ICE1: variants seen among roughly 807,000 people sequenced by gnomAD.
The protein encoded by ICE1 is little elongation complex subunit 1.
A neutral mutation model predicts 192.7 loss-of-function variants in ICE1; 64 were observed. The ratio of observed to expected loss-of-function variants is 0.33; its 90% confidence interval spans 0.27 to 0.41. ICE1 has a LOEUF of 0.41. Among genes scored for constraint, ICE1 ranks in the 10% least tolerant of loss-of-function variants. The probability of loss-of-function intolerance (pLI) is 1.00; values close to 1 mark genes in which losing one functional copy is unlikely to be tolerated. For synonymous variants in ICE1, 1,010 were observed against 984.5 expected, an observed-to-expected ratio of 1.03 and a Z score of -0.49; for missense variants, 2,708 against 2,696.0, an observed-to-expected ratio of 1.00 and a Z score of -0.10.
Position 5,454,609 on chromosome 5 carries a change from T to C in ICE1, c.662T>C (p.Leu221Pro), listed in dbSNP as rs376713384. 46 of 1,613,500 alleles carry C rather than the reference T, an allele frequency of 2.9e-5. No individual in the cohort carries two copies. Among genetic ancestry groups the C allele is most frequent in the African/African-American group, 5.3e-5 (4 of 74,908 alleles). The change falls in exon 11 of 19, where the codon CTA becomes CCA. Residue 221 changes from leucine (L) to proline (P), a missense_variant. Transcript: ENST00000296564. ...LWLCVNTTHR[L>P]PGEGSRCVPE... is the part of the protein sequence containing the mutation. ...CTCTGTGTAAACACAACACACAGAC[T>C]ACCTGGTGAAGGCAGCAGGTGTGTC...
chr5:5,464,324 T>C lies in ICE1; in HGVS notation c.4990T>C (p.Ser1664Pro). ...ISSSSPSSPA[S>P]PVGQVSPFRE... is the part of the protein sequence containing the mutation. ...GAGTTCTAGTCCTTCCTCACCAGCC[T>C]CTCCTGTTGGCCAGGTTTCTCCCTT... The change falls in exon 13 of 19, where the codon TCT becomes CCT. Residue 1664 changes from serine (S) to proline (P), a missense_variant. By Grantham distance (74) the Ser-to-Pro change is moderately conservative. Around this residue, in one of 2 missense-constraint regions of ICE1, gnomAD observed 2,366 missense variants for 2,276.6 expected, o/e 1.04. Coordinates refer to ENST00000296564, the MANE Select transcript of ICE1 (RefSeq NM_015325.3). The surrounding 1 kb of genome is among the most constrained non-coding windows in gnomAD (Gnocchi z 4.0). The C allele has an allele frequency of 1.2e-6, 2 of 1,613,462 alleles. No homozygotes were observed. Among genetic ancestry groups the C allele is most frequent in the African/African-American group, 1.3e-5 (1 of 74,832 alleles).
intron 15 of ICE1, among the ~76,000 whole-genome samples, chr5:5,470,204 C>T (rs1331342036): frequency 6.6e-6 from 1 of 152,066 alleles, no homozygotes; most frequent in East Asian, 1.9e-4. Context: ...CAGAGAGTTA[C>T]CCGTTCCCAG....
intron 10 of ICE1, among the ~76,000 whole-genome samples, chr5:5,448,846 T>G (rs1738328284): frequency 6.6e-6 from 1 of 152,224 alleles, no homozygotes; most frequent in Non-Finnish European, 1.5e-5. Flanking sequence ...CATTGATTGC[T>G]CACCTACCAC....
chr5:5,435,325 A>G (rs961578349), intron 1 of ICE1, among the ~76,000 whole-genome samples: 1 of 152,114 alleles, frequency 6.6e-6, no homozygotes, highest in East Asian at 1.9e-4. Flanking sequence ...GAAAAGGCAG[A>G]CATTATCATA....
chr5:5,474,558 T>G (rs1324114097), intron 16 of ICE1, among the ~76,000 whole-genome samples: 1 of 152,248 alleles, frequency 6.6e-6, no homozygotes, highest in East Asian at 1.9e-4. Context: ...CTCTCTGACA[T>G]TCATTGTATG....
intron 17 of ICE1, among the ~76,000 whole-genome samples, chr5:5,483,618 C>T (rs1739565839): frequency 1.3e-5 from 2 of 152,160 alleles, no homozygotes; most frequent in South Asian, 4.1e-4. Flanking sequence ...TCTCTGAGGC[C>T]ATCCAGTGGA....
At chr5:5,442,011 A>G (rs552409229) in intron 5 of ICE1, among the ~76,000 whole-genome samples, 1 of 152,258 alleles carries the variant, frequency 6.6e-6, no homozygotes, top group African/African-American at 2.4e-5. Flanking sequence ...GCATTGGGAG[A>G]AGATGCCCAC....
chr5:5,461,178 C>T lies in ICE1; in HGVS notation c.1844C>T (p.Ser615Leu). 2 of 1,614,004 alleles carry T rather than the reference C, an allele frequency of 1.2e-6. No homozygotes were observed. The highest frequency in any genetic ancestry group is 2.2e-5 in the East Asian group (1 of 44,880). Residue 615 changes from serine to leucine, a missense_variant, in exon 13 of 19, where the codon TCA (serine) becomes TTA (leucine). Physicochemically the swap from Ser to Leu is moderately radical, Grantham distance 145. Transcript: ENST00000296564. The stretch of plus-strand genomic sequence containing the variant: ...TCACCTGAATCAGAAGATGATGACT[C>T]AGGTGATGGAATGGATGTAGCAGGG... ...GESPESEDDD[S>L]GDGMDVAGLD... is the part of the protein sequence containing the mutation.
chr5:5,458,358 C>T (rs991179696), intron 12 of ICE1, among the ~76,000 whole-genome samples: 4 of 152,154 alleles, frequency 2.6e-5, no homozygotes, highest in Admixed American at 1.3e-4. Flanking sequence ...GCAGAGGTGA[C>T]GAAAGATGCC....
chr5:5,461,883 C>T lies in ICE1; in HGVS notation c.2549C>T (p.Thr850Ile), dbSNP rs753943363. 6.2e-7 allele frequency: 1 copy of T among 1,613,800 alleles called. No individual in the cohort carries two copies. Reference protein sequence around the residue: ...ENNNPVEFKTTASVLPNQVSV... With the variant: ...ENNNPVEFKTIASVLPNQVSV... ...AACAATCCTGTAGAATTCAAGACCACTGCATCGGTGTTGCCTAATCAAGTA... is the reference window on the plus strand; with the variant it reads ...AACAATCCTGTAGAATTCAAGACCATTGCATCGGTGTTGCCTAATCAAGTA... The change falls in exon 13 of 19, where the codon ACT (threonine) becomes ATT (isoleucine). Residue 850 changes from threonine to isoleucine, a missense_variant. This residue lies in a region of ICE1 where 2,366 missense variants were observed against 2,276.6 expected (regional missense o/e 1.04). Transcript: ENST00000296564.
chr5:5,452,163 A>AT (rs952502832), intron 10 of ICE1, among the ~76,000 whole-genome samples: 1,801 of 133,102 alleles, frequency 0.014, 21 homozygotes, highest in East Asian at 0.038. Flanking sequence ...TGTTTGTTCC[A>AT]TTTTTTTTTT....
At chr5:5,487,818 G>C (rs1312078538) in intron 18 of ICE1, among the ~76,000 whole-genome samples, 1 of 152,214 alleles carries the variant, frequency 6.6e-6, no homozygotes, top group Non-Finnish European at 1.5e-5. Context: ...GTTGGGGCCT[G>C]CTATAGATTA....
intron 17 of ICE1, among the ~76,000 whole-genome samples, chr5:5,478,090 C>CA (rs1739392350): frequency 1.3e-5 from 2 of 152,228 alleles, no homozygotes; most frequent in African/African-American, 4.8e-5. Context: ...TCTCTTACCA[C>CA]TCCTGTTCAA....
At position 5,460,773 on chromosome 5, in the gene ICE1, A is replaced by G. The variant is rs1447131773; in HGVS notation, c.1439A>G (p.His480Arg). 4 of 1,613,932 alleles carry G rather than the reference A, an allele frequency of 2.5e-6. No homozygotes were observed. In the African/African-American group the frequency reaches 4.0e-5, roughly 16 times the overall value. Residue 480 changes from histidine (H) to arginine (R), a missense_variant, in exon 13 of 19, where the codon CAT (histidine) becomes CGT (arginine). Physicochemically the swap from His to Arg is conservative, Grantham distance 29. Transcript: ENST00000296564. ...SMSDRKRDIL[H>R]ETKTQMEVRE... ...AGTGATAGAAAAAGAGACATTTTAC[A>G]TGAGACAAAAACACAAATGGAGGTT...
chr5:5,482,584 A>T (rs1739534369), intron 17 of ICE1, among the ~76,000 whole-genome samples: 1 of 152,204 alleles, frequency 6.6e-6, no homozygotes, highest in Non-Finnish European at 1.5e-5. Context: ...ACAGGAGAGG[A>T]GCAGCAGAGC....
intron 15 of ICE1, among the ~76,000 whole-genome samples, chr5:5,472,836 A>C (rs754531492): frequency 6.6e-6 from 1 of 152,180 alleles, no homozygotes; most frequent in African/African-American, 2.4e-5. Context: ...CTACTTTGCA[A>C]AATTGTTGGG....
chr5:5,451,236 A>C (rs992228150), intron 10 of ICE1, among the ~76,000 whole-genome samples: 5 of 152,200 alleles, frequency 3.3e-5, no homozygotes, highest in Admixed American at 2.0e-4. Flanking sequence ...CAGTAGGGCA[A>C]TATTTATTAA....
chr5:5,486,813 G>T lies in ICE1; in HGVS notation c.6613G>T (p.Asp2205Tyr). 1 of 1,587,266 alleles carries T rather than the reference G, an allele frequency of 6.3e-7. No homozygotes were observed. The highest frequency in any genetic ancestry group is 1.1e-5 in the South Asian group (1 of 87,148). ...TGGTATGTTTATACAGCATGCTCAC[G>T]ATGAAGGTAAAACTTACATCTATTA... is the stretch of plus-strand genomic sequence containing the variant. The part of the protein sequence containing the change: ...VIGMFIQHAH[D>Y]EDIPWGIQLA... The change falls in exon 18 of 19, where the codon GAT (aspartate) becomes TAT (tyrosine). Residue 2205 changes from aspartate to tyrosine, a missense_variant. Transcript: ENST00000296564.
Position 5,461,275 on chromosome 5 carries a change from T to G in ICE1, c.1941T>G (p.Ser647=), listed in dbSNP as rs1209646239. Residue 647 remains serine (S), a synonymous_variant, in exon 13 of 19, where the codon TCT becomes TCG. Coordinates refer to ENST00000296564, the MANE Select transcript of ICE1 (RefSeq NM_015325.3). ...TGTCTGTTGGCAGTAATCCCCAGTC[T>G]TCTTCTGGGTTAGACTGTGGTAATG... ...VALSVGSNPQ[S]SSGLDCGNDT... 8 of 1,613,726 alleles carry G rather than the reference T, an allele frequency of 5.0e-6. No homozygotes were observed. The highest frequency in any genetic ancestry group is 2.7e-5 in the African/African-American group (2 of 74,936).
Sources: allele counts gnomAD v4.1 joint callset (sites outside exome capture counted in the v4.1 genomes callset), GRCh38; gene constraint gnomAD v4.1.1; regional missense constraint gnomAD v4.1.1; non-coding constraint Gnocchi (gnomAD v3.1); transcripts MANE v1.5; gene names NCBI Gene and HGNC (gene_info 2026-07-23, HGNC 2026-07-21).